Variants in KIRREL3 observed in about 807,000 individuals in gnomAD.
KIRREL3 encodes kirre like nephrin family adhesion molecule 3.
A neutral mutation model predicts 89.7 loss-of-function variants in KIRREL3; 36 were observed. That is an observed-to-expected ratio of 0.40 (90% CI 0.31 to 0.53). KIRREL3 has a LOEUF of 0.53. Ranked by LOEUF, KIRREL3 falls within the 20% of genes least tolerant of loss-of-function variation. KIRREL3 has a pLI of 0.49. For missense variants in KIRREL3, 864 were observed against 1,056.6 expected, an observed-to-expected ratio of 0.82 and a Z score of 2.53; for synonymous variants, 445 against 441.4, an observed-to-expected ratio of 1.01 and a Z score of -0.10.
chr11:126,803,825 G>A (rs11220619), intron 1 of KIRREL3, among the ~76,000 whole-genome samples: 34,240 of 152,158 alleles, frequency 0.23, 4,485 homozygotes, highest in East Asian at 0.46. Flanking sequence ...ACACTCAAGG[G>A]TAAGAGCTCC....
intron 4 of KIRREL3, among the ~76,000 whole-genome samples, chr11:126,478,928 G>C (rs1332705892): frequency 6.6e-6 from 1 of 152,158 alleles, no homozygotes; most frequent in South Asian, 2.1e-4. Flanking sequence ...CATCAGGGTT[G>C]GTGCTCCCTG....
chr11:126,973,100 G>GGA (rs1949476403), intron 1 of KIRREL3, among the ~76,000 whole-genome samples: 2 of 119,630 alleles, frequency 1.7e-5, no homozygotes, highest in Non-Finnish European at 1.6e-5. Context: ...AAGTTTTGAG[G>GGA]AAAAAAAAAA....
At chr11:126,767,931 C>T (rs1949880851) in intron 1 of KIRREL3, among the ~76,000 whole-genome samples, 1 of 152,202 alleles carries the variant, frequency 6.6e-6, no homozygotes, top group Non-Finnish European at 1.5e-5. Context: ...GCTAAATTGT[C>T]TGGTAGGAAT....
intron 1 of KIRREL3, among the ~76,000 whole-genome samples, chr11:126,583,729 C>G (rs921532863): frequency 6.7e-6 from 1 of 149,486 alleles, no homozygotes; most frequent in African/African-American, 2.4e-5. Context: ...AGAGCAAGCC[C>G]TCAGTACGGT....
Position 126,558,506 on chromosome 11 carries a change from G to C in KIRREL3, c.133+4329C>G, listed in dbSNP as rs549499930. On this transcript the variant is annotated intron_variant, in intron 2 of 16. Coordinates refer to ENST00000525144, the MANE Select transcript of KIRREL3 (RefSeq NM_032531.4). This position sits in a 1 kb window ranked among gnomAD's most constrained non-coding sequence, Gnocchi z 4.0. Reference sequence around the variant, plus strand: ...AGAGCCCTGGGTGTCTGGAGCCCTGGGCTGTGGTCCTGGCTCTTCCAGCCA... The same window carrying C: ...AGAGCCCTGGGTGTCTGGAGCCCTGCGCTGTGGTCCTGGCTCTTCCAGCCA... Among the ~76,000 whole-genome samples the C allele has an allele frequency of 6.6e-6, 1 of 152,178 alleles. No individual in the cohort carries two copies. The highest frequency in any genetic ancestry group is 1.5e-5 in the Non-Finnish European group (1 of 68,038).
chr11:126,827,446 G>A (rs528273963), intron 1 of KIRREL3, among the ~76,000 whole-genome samples: 125 of 152,274 alleles, frequency 8.2e-4, no homozygotes, highest in Middle Eastern at 3.4e-3. Context: ...AAAGAACTGG[G>A]ATTACAAGCA....
rs1455747937 is a variant in KIRREL3 at position 126,788,236 on chromosome 11, A to T, written c.55+212219T>A. 6.6e-6 allele frequency among the ~76,000 whole-genome samples: 1 copy of T among 152,206 alleles called. No homozygotes were observed. The highest frequency in any genetic ancestry group is 1.5e-5 in the Non-Finnish European group (1 of 68,040). On this transcript the variant is annotated intron_variant, in intron 1 of 16. Coordinates refer to ENST00000525144, the MANE Select transcript of KIRREL3 (RefSeq NM_032531.4). This position sits in a 1 kb window ranked among gnomAD's most constrained non-coding sequence, Gnocchi z 4.1. ...TTCTAACCATCTCTTTTTCATTCCT[A>T]TGGACGTTGCCTCCCAGGGCTGCTC...
At position 126,867,849 on chromosome 11, in the gene KIRREL3, C is replaced by T. The variant is rs541233320; in HGVS notation, c.55+132606G>A. 6.6e-6 allele frequency among the ~76,000 whole-genome samples: 1 copy of T among 152,206 alleles called. No homozygotes were observed. Among genetic ancestry groups the T allele is most frequent in the African/African-American group, 2.4e-5 (1 of 41,520 alleles). ...TTGATTTTTAGGTTTGAGTTTAGTT[C>T]TGCAATAAAACTGTGGACTCCCCAC... On this transcript the variant is annotated intron_variant, in intron 1 of 16. Coordinates refer to ENST00000525144, the MANE Select transcript of KIRREL3 (RefSeq NM_032531.4). The surrounding 1 kb of genome is among the most constrained non-coding windows in gnomAD (Gnocchi z 4.7).
In KIRREL3 at chr11:126,579,053, T is replaced by G. The variant is rs1385258717; in HGVS notation, c.56-16141A>C. Among the ~76,000 whole-genome samples the G allele has an allele frequency of 1.3e-5, 2 of 152,070 alleles. No individual in the cohort carries two copies. Among genetic ancestry groups the G allele is most frequent in the African/African-American group, 4.8e-5 (2 of 41,414 alleles). Reference sequence around the variant, plus strand: ...CCTCGATCAAACCCAAAGCCCGTGCTCTGTCCGTGTGCTGCCTCCGAGAAG... The same window carrying G: ...CCTCGATCAAACCCAAAGCCCGTGCGCTGTCCGTGTGCTGCCTCCGAGAAG... On this transcript the variant is annotated intron_variant, in intron 1 of 16. Coordinates refer to ENST00000525144, the MANE Select transcript of KIRREL3 (RefSeq NM_032531.4). This position sits in a 1 kb window ranked among gnomAD's most constrained non-coding sequence, Gnocchi z 5.3.
chr11:126,440,735 C>G (rs755860278), intron 10 of KIRREL3, 186 bp from the exon 11 acceptor site: 2 of 638,020 alleles, frequency 3.1e-6, no homozygotes, highest in East Asian at 2.7e-5. Context: ...AGTCATAAAC[C>G]TCTCAAGGGA....
At chr11:126,732,933 C>T (rs1948680271) in intron 1 of KIRREL3, among the ~76,000 whole-genome samples, 1 of 152,168 alleles carries the variant, frequency 6.6e-6, no homozygotes, top group Non-Finnish European at 1.5e-5. Context: ...GCTTGCCCTC[C>T]CATTGTATTC....
rs1949781910 is a variant in KIRREL3 at position 126,983,882 on chromosome 11, A to G, written c.55+16573T>C. ...TTCTCAACTGAGATTCCTCCTCTGA[A>G]CCAGAGAACCCCGAGAATAATATGA... On this transcript the variant is annotated intron_variant, in intron 1 of 16. Coordinates refer to ENST00000525144, the MANE Select transcript of KIRREL3 (RefSeq NM_032531.4). The surrounding 1 kb of genome is among the most constrained non-coding windows in gnomAD (Gnocchi z 4.9). 6.6e-6 allele frequency among the ~76,000 whole-genome samples: 1 copy of G among 152,204 alleles called. No individual in the cohort carries two copies. The highest frequency in any genetic ancestry group is 6.5e-5 in the Admixed American group (1 of 15,278).
chr11:126,976,744 C>A lies in KIRREL3; in HGVS notation c.55+23711G>T, dbSNP rs1949587659. On this transcript the variant is annotated intron_variant, in intron 1 of 16. Transcript: ENST00000525144. The surrounding 1 kb of genome is among the most constrained non-coding windows in gnomAD (Gnocchi z 4.2). The stretch of plus-strand genomic sequence containing the variant: ...GCAGCGTATCATTTAATCTACTTAA[C>A]AAATCTATGGCATACATACTCTTGA... Among the ~76,000 whole-genome samples, 2 of 152,090 alleles carry A rather than the reference C, an allele frequency of 1.3e-5. No individual in the cohort carries two copies. The highest frequency in any genetic ancestry group is 4.8e-5 in the African/African-American group (2 of 41,392).
intron 1 of KIRREL3, among the ~76,000 whole-genome samples, chr11:126,822,536 C>T (rs572858669): frequency 6.6e-6 from 1 of 152,294 alleles, no homozygotes; most frequent in South Asian, 2.1e-4. Context: ...CTTTTTGCAA[C>T]TCATATAGTA....
chr11:126,972,936 G>A lies in KIRREL3; in HGVS notation c.55+27519C>T, dbSNP rs369970148. On this transcript the variant is annotated intron_variant, in intron 1 of 16. Coordinates refer to ENST00000525144, the MANE Select transcript of KIRREL3 (RefSeq NM_032531.4). The stretch of plus-strand genomic sequence containing the variant: ...AAAGAACGAACAATGTGCTGCTCTG[G>A]TTGAGTTGATAGCCTTAAATTCTAC... Among the ~76,000 whole-genome samples, 11 of 152,186 alleles carry A rather than the reference G, an allele frequency of 7.2e-5. No individual in the cohort carries two copies. In the East Asian group the frequency reaches 1.9e-3, roughly 27 times the overall value.
chr11:126,691,906 A>T (rs1483869705), intron 1 of KIRREL3, among the ~76,000 whole-genome samples: 3 of 152,280 alleles, frequency 2.0e-5, no homozygotes, highest in Non-Finnish European at 4.4e-5. Flanking sequence ...GCCAAGAAGC[A>T]TATGGAAAGA....
At chr11:126,849,096 G>T (rs934233233) in intron 1 of KIRREL3, among the ~76,000 whole-genome samples, 1 of 152,184 alleles carries the variant, frequency 6.6e-6, no homozygotes, top group African/African-American at 2.4e-5. Flanking sequence ...TGAGATAGGA[G>T]GTCGACACAA....
intron 1 of KIRREL3, among the ~76,000 whole-genome samples, chr11:126,600,707 G>A (rs932008361): frequency 6.6e-6 from 1 of 152,122 alleles, no homozygotes; most frequent in African/African-American, 2.4e-5. Flanking sequence ...GATGATTCCT[G>A]GTTTCTACTA....
At chr11:126,979,346 A>G (rs1949661978) in intron 1 of KIRREL3, among the ~76,000 whole-genome samples, 1 of 152,220 alleles carries the variant, frequency 6.6e-6, no homozygotes, top group African/African-American at 2.4e-5. Context: ...TAAAATACAA[A>G]CTAGCACAAG....
Sources: gnomAD v4.1 joint callset for allele counts (sites outside exome capture counted in the v4.1 genomes callset) on GRCh38, gnomAD v4.1.1 for gene constraint, Gnocchi (gnomAD v3.1) non-coding constraint, MANE v1.5 for transcripts, NCBI Gene and HGNC (gene_info 2026-07-23, HGNC 2026-07-21) for gene names.